The following ARHGEF28 variants were observed in gnomAD, a reference collection of about 807,000 sequenced individuals.
ARHGEF28 encodes Rho guanine nucleotide exchange factor 28.
ARHGEF28 carries 152 observed loss-of-function variants against 206.6 expected under a neutral mutation model. The ratio of observed to expected loss-of-function variants is 0.74; its 90% CI spans 0.64 to 0.84. ARHGEF28 has a LOEUF of 0.84. ARHGEF28 is among the 40% of genes least tolerant of loss of function. The pLI, the probability that ARHGEF28 is intolerant of heterozygous loss-of-function variation, is 0.00. For synonymous variants in ARHGEF28, 763 were observed against 776.4 expected, an observed-to-expected ratio of 0.98 and a Z score of 0.29; for missense variants, 2,028 against 2,073.2, an observed-to-expected ratio of 0.98 and a Z score of 0.42.
rs1469338639 is a variant in ARHGEF28, at chr5:73,741,339, A to ATGTGTGTGTG, written c.34-8497_34-8496insGTGTGTGTGT. Among the ~76,000 whole-genome samples, 279 of 80,412 alleles carry ATGTGTGTGTG rather than the reference A, an allele frequency of 3.5e-3. 3 individuals are homozygous for ATGTGTGTGTG. The highest frequency in any genetic ancestry group is 5.3e-3 in the Non-Finnish European group (222 of 42,268). 52.8% of individuals were successfully genotyped at this position (80,412 alleles called of 152,430 possible). On this transcript the variant is annotated intron_variant, in intron 2 of 35. Coordinates refer to ENST00000513042, the MANE Select transcript of ARHGEF28 (RefSeq NM_001177693.2). ...TGAAAGTCGTCTAGATTTTAAATTTATATGTGTGTGTGTGTGTGTGTGTGT... is the reference window on the plus strand; with the variant it reads ...TGAAAGTCGTCTAGATTTTAAATTTATGTGTGTGTGTATGTGTGTGTGTGTGTGTGTGTGT...
At chr5:73,665,678 A>G (rs1416106270) in intron 1 of ARHGEF28, among the ~76,000 whole-genome samples, 1 of 152,134 alleles carries the variant, frequency 6.6e-6, no homozygotes, top group Non-Finnish European at 1.5e-5. Context: ...ACGTCCTTTT[A>G]TAACAAACCC....
chr5:73,844,733 G>A (rs1276931333), intron 11 of ARHGEF28, among the ~76,000 whole-genome samples: 1 of 82,062 alleles, frequency 1.2e-5, no homozygotes, highest in African/African-American at 4.8e-5. Context: ...TCATTGTTTT[G>A]TTATTAAAAT....
chr5:73,816,581 GTGA>G (rs1159057800), intron 9 of ARHGEF28, among the ~76,000 whole-genome samples: 1 of 152,202 alleles, frequency 6.6e-6, no homozygotes, highest in East Asian at 1.9e-4. Context: ...TGTGGAGGGA[GTGA>G]TGTGAAAATT....
chr5:73,658,983 A>ACACACACACG (rs1415953248), intron 1 of ARHGEF28, among the ~76,000 whole-genome samples: 45 of 140,936 alleles, frequency 3.2e-4, no homozygotes, highest in Non-Finnish European at 6.1e-4. Context: ...ACACACACAC[A>ACACACACACG]CACACACACA....
At chr5:73,813,480 C>G in intron 9 of ARHGEF28, 1 of 1,488,726 alleles carries the variant, frequency 6.7e-7, no homozygotes, top group Admixed American at 2.2e-5. Context: ...CATCCAATCT[C>G]ATTCCTTCCC....
intron 2 of ARHGEF28, among the ~76,000 whole-genome samples, chr5:73,734,537 G>T (rs1750801366): frequency 6.6e-6 from 1 of 152,172 alleles, no homozygotes; most frequent in Admixed American, 6.5e-5. Flanking sequence ...GCCACATAAA[G>T]GATAGACAAA....
chr5:73,715,069 C>G (rs1041925148), intron 2 of ARHGEF28, among the ~76,000 whole-genome samples: 4 of 152,158 alleles, frequency 2.6e-5, no homozygotes, highest in Admixed American at 6.5e-5. Flanking sequence ...TTCTTACCAC[C>G]CTTGTGAAAA....
At chr5:73,906,413 A>G (rs753636347) in intron 33 of ARHGEF28, among the ~76,000 whole-genome samples, 2 of 151,884 alleles carry the variant, frequency 1.3e-5, no homozygotes, top group Non-Finnish European at 2.9e-5. Flanking sequence ...TAGTTTTTCT[A>G]TTTCACCATG....
At chr5:73,688,898 C>A (rs1333694266) in intron 2 of ARHGEF28, among the ~76,000 whole-genome samples, 1 of 152,216 alleles carries the variant, frequency 6.6e-6, no homozygotes, top group African/African-American at 2.4e-5. Flanking sequence ...TTGTGATCCA[C>A]CCACCTCGGC....
At chr5:73,736,204 T>C (rs1054594673) in intron 2 of ARHGEF28, among the ~76,000 whole-genome samples, 1 of 152,236 alleles carries the variant, frequency 6.6e-6, no homozygotes, top group Admixed American at 6.5e-5. Context: ...GTGTAACTTC[T>C]TAAGACTTCA....
intron 35 of ARHGEF28, among the ~76,000 whole-genome samples, chr5:73,915,128 C>T (rs969220493): frequency 6.6e-6 from 1 of 151,982 alleles, no homozygotes; most frequent in Non-Finnish European, 1.5e-5. Context: ...TGATTAAGGA[C>T]CAGGTTTTTG....
chr5:73,637,297 G>T (rs901111307), intron 1 of ARHGEF28, among the ~76,000 whole-genome samples: 1 of 151,548 alleles, frequency 6.6e-6, no homozygotes, highest in South Asian at 2.1e-4. Flanking sequence ...CCCTAACCCC[G>T]CTCCCATCTT....
intron 9 of ARHGEF28, among the ~76,000 whole-genome samples, chr5:73,799,987 C>A (rs75772799): frequency 0.021 from 3,121 of 152,046 alleles, 124 homozygotes; most frequent in African/African-American, 0.07. Context: ...TAGTATCTTG[C>A]AAAGTAAGCC....
At chr5:73,707,260 A>C (rs557013697) in intron 2 of ARHGEF28, among the ~76,000 whole-genome samples, 2 of 152,138 alleles carry the variant, frequency 1.3e-5, no homozygotes, top group Non-Finnish European at 2.9e-5. Context: ...CAGAGCAGAG[A>C]GGCAAATTCA....
At position 73,904,613 on chromosome 5, in the gene ARHGEF28, G is replaced by A. The variant is rs542344791; in HGVS notation, c.4161+208G>A. On this transcript the variant is annotated intron_variant, in intron 33 of 35. Transcript: ENST00000513042. ...ACTACATTTTATACCATTCTTCTCT[G>A]AAATCATAAAACAGTTCATATCTTT... 5.3e-6 allele frequency: 3 copies of A among 563,790 alleles called. No homozygotes were observed. In the East Asian group the frequency reaches 8.6e-5, roughly 16 times the overall value. The allele number at this position is 563,790 out of a possible 1,614,324, so 34.9% of individuals were successfully genotyped here.
intron 1 of ARHGEF28, among the ~76,000 whole-genome samples, chr5:73,656,940 G>A (rs527819960): frequency 1.3e-5 from 2 of 152,160 alleles, no homozygotes; most frequent in South Asian, 2.1e-4. Flanking sequence ...GGAGGCCGAG[G>A]TGGGTGGATC....
At chr5:73,768,197 A>C (rs1281937335) in intron 4 of ARHGEF28, among the ~76,000 whole-genome samples, 2 of 151,378 alleles carry the variant, frequency 1.3e-5, no homozygotes, top group African/African-American at 4.9e-5. Flanking sequence ...GTGGATGGGA[A>C]ATGTGAGGTG....
At chr5:73,813,485 C>T in intron 9 of ARHGEF28, 3 of 1,496,368 alleles carry the variant, frequency 2.0e-6, no homozygotes, top group Non-Finnish European at 2.7e-6. Flanking sequence ...AATCTCATTC[C>T]TTCCCTTTAC....
chr5:73,803,474 A>G (rs1755257550), intron 9 of ARHGEF28: 1 of 154,758 alleles, frequency 6.5e-6, no homozygotes, highest in Non-Finnish European at 1.5e-5. Context: ...TTGTCCACGA[A>G]GAGTTTCTGT....
Sources: gnomAD v4.1 joint callset for allele counts (sites outside exome capture counted in the v4.1 genomes callset) on GRCh38, gnomAD v4.1.1 for gene constraint, MANE v1.5 for transcripts, NCBI Gene and HGNC (gene_info 2026-07-23, HGNC 2026-07-21) for gene names.